Variants in SLC35D4 observed in about 807,000 individuals in gnomAD.
SLC35D4 encodes the protein solute carrier family 35 member D4.
At chr18:23,356,433 G>A in the SLC35D4 span, among the ~76,000 whole-genome samples, 1 of 152,158 alleles carries the variant, frequency 6.6e-6, no homozygotes, top group African/African-American at 2.4e-5. This position sits in a 1 kb window ranked among gnomAD's most constrained non-coding sequence, Gnocchi z 4.1. Context: ...AGGGTGCTAA[G>A]TGACAGCCTG....
At chr18:23,346,777 G>A in the SLC35D4 span, among the ~76,000 whole-genome samples, 3 of 152,146 alleles carry the variant, frequency 2.0e-5, no homozygotes, top group African/African-American at 7.2e-5. Flanking sequence ...CTATTGAAAT[G>A]ATCATGTATT....
chr18:23,283,471 CAAAAAA>C, the SLC35D4 span, among the ~76,000 whole-genome samples: 19 of 44,450 alleles, frequency 4.3e-4, no homozygotes, highest in South Asian at 0.017. Context: ...GACCCAGTCT[CAAAAAA>C]AAAAAAAAAA....
chr18:23,294,199 GA>G, the SLC35D4 span, among the ~76,000 whole-genome samples: 2 of 151,922 alleles, frequency 1.3e-5, no homozygotes, highest in East Asian at 1.9e-4. Context: ...AGAAATAAAA[GA>G]AAAAAACCCA....
At chr18:23,377,590 TA>T in the SLC35D4 span, 1 of 1,528,718 alleles carries the variant, frequency 6.5e-7, no homozygotes, top group African/African-American at 1.4e-5. Flanking sequence ...TCATTCAAGT[TA>T]AAAATAGGTT....
chr18:23,279,617 G>A, the SLC35D4 span, among the ~76,000 whole-genome samples: 2 of 152,038 alleles, frequency 1.3e-5, no homozygotes, highest in Non-Finnish European at 2.9e-5. Flanking sequence ...AGAGAAGGAA[G>A]ACAACATGAA....
At chr18:23,413,949 A>T in the SLC35D4 span, among the ~76,000 whole-genome samples, 1 of 34,446 alleles carries the variant, frequency 2.9e-5, no homozygotes, top group Non-Finnish European at 6.4e-5. Context: ...GCCTCAAAAA[A>T]AAAAATTAAA....
At chr18:23,239,831 CAGG>C in the SLC35D4 span, among the ~76,000 whole-genome samples, 481 of 152,248 alleles carry the variant, frequency 3.2e-3, 2 homozygotes, top group Non-Finnish European at 5.8e-3. Flanking sequence ...AGAAAAGCAG[CAGG>C]AGACCAGGCA....
the SLC35D4 span, chr18:23,370,123 G>A: frequency 1.8e-6 from 2 of 1,088,528 alleles, no homozygotes; most frequent in South Asian, 1.5e-5. Flanking sequence ...AGGGTGCGGT[G>A]AGCTGAGACC....
At chr18:23,280,318 G>A in the SLC35D4 span, among the ~76,000 whole-genome samples, 1 of 152,208 alleles carries the variant, frequency 6.6e-6, no homozygotes, top group East Asian at 1.9e-4. Context: ...GGTTATTAAC[G>A]GTCTCCACTG....
chr18:23,253,703 G>C, the SLC35D4 span: 7 of 1,602,758 alleles, frequency 4.4e-6, no homozygotes, highest in African/African-American at 8.0e-5. Context: ...TCACAAGACT[G>C]TTCCCTCTTG....
chr18:23,281,932 A>G, the SLC35D4 span, among the ~76,000 whole-genome samples: 81 of 152,370 alleles, frequency 5.3e-4, no homozygotes, highest in Non-Finnish European at 1.0e-3. Flanking sequence ...GGAATGAGGA[A>G]ATAAATGAAC....
the SLC35D4 span, among the ~76,000 whole-genome samples, chr18:23,257,005 G>A: frequency 6.6e-6 from 1 of 152,202 alleles, no homozygotes; most frequent in African/African-American, 2.4e-5. Flanking sequence ...TAAGATGTAT[G>A]TGTGGTTCCG....
chr18:23,252,598 T>C, the SLC35D4 span, among the ~76,000 whole-genome samples: 1 of 152,114 alleles, frequency 6.6e-6, no homozygotes, highest in Admixed American at 6.6e-5. Context: ...CAAGTGGAGA[T>C]TGAACCCAGG....
chr18:23,355,003 T>C, the SLC35D4 span, among the ~76,000 whole-genome samples: 1 of 152,216 alleles, frequency 6.6e-6, no homozygotes, highest in Non-Finnish European at 1.5e-5. Context: ...TAATGGGGTC[T>C]TTGGGCTATG....
the SLC35D4 span, among the ~76,000 whole-genome samples, chr18:23,413,316 T>C: frequency 6.6e-6 from 1 of 152,224 alleles, no homozygotes; most frequent in Non-Finnish European, 1.5e-5. Flanking sequence ...GAAATGGAAA[T>C]CTTGTCATCT....
chr18:23,427,306 T>G, the SLC35D4 span, among the ~76,000 whole-genome samples: 4 of 151,970 alleles, frequency 2.6e-5, no homozygotes, highest in African/African-American at 9.7e-5. Context: ...TACAAAGAAC[T>G]CCAACAAATT....
At chr18:23,252,095 A>G in the SLC35D4 span, among the ~76,000 whole-genome samples, 1 of 152,138 alleles carries the variant, frequency 6.6e-6, no homozygotes, top group Non-Finnish European at 1.5e-5. Flanking sequence ...CAAAAAAAAA[A>G]AAAAAGACTC....
chr18:23,352,520 A>G, the SLC35D4 span, among the ~76,000 whole-genome samples: 1 of 152,238 alleles, frequency 6.6e-6, no homozygotes, highest in African/African-American at 2.4e-5. Context: ...GGAATGGTGC[A>G]AAGAAATTTC....
the SLC35D4 span, among the ~76,000 whole-genome samples, chr18:23,255,680 C>T: frequency 6.6e-6 from 1 of 151,906 alleles, no homozygotes; most frequent in Non-Finnish European, 1.5e-5. Flanking sequence ...CCATCTCCGC[C>T]TCCCAAGTAG....
Sources: gnomAD v4.1 joint callset for allele counts (sites outside exome capture counted in the v4.1 genomes callset) on GRCh38, gnomAD v4.1.1 for gene constraint, Gnocchi (gnomAD v3.1) non-coding constraint, MANE v1.5 for transcripts, NCBI Gene and HGNC (gene_info 2026-07-23, HGNC 2026-07-21) for gene names.